PIK3C3: variants seen among roughly 807,000 people sequenced by gnomAD.
PIK3C3 encodes PI3-kinase type 3.
In PIK3C3, 95 loss-of-function variants were observed where a neutral mutation model predicts 126.1. The ratio of observed to expected loss-of-function variants is 0.75; its 90% CI spans 0.64 to 0.89. PIK3C3 has a LOEUF of 0.89. PIK3C3 is among the 40% of genes least tolerant of loss of function. The pLI, the probability that PIK3C3 is intolerant of heterozygous loss-of-function variation, is 0.00. For missense variants in PIK3C3, 829 were observed against 1,063.2 expected, an observed-to-expected ratio of 0.78 and a Z score of 3.06; for synonymous variants, 374 against 360.0, an observed-to-expected ratio of 1.04 and a Z score of -0.44.
intron 15 of PIK3C3, among the ~76,000 whole-genome samples, chr18:42,030,133 A>G (rs1301901610): frequency 2.0e-5 from 3 of 152,168 alleles, no homozygotes; most frequent in African/African-American, 7.2e-5. Context: ...TATACAATAT[A>G]TTTGATATGG....
At chr18:41,995,690 G>A (rs1226649599) in intron 7 of PIK3C3, among the ~76,000 whole-genome samples, 200 bp from the exon 8 acceptor site, 1 of 152,140 alleles carries the variant, frequency 6.6e-6, no homozygotes, top group Non-Finnish European at 1.5e-5. Context: ...TATGGGACTA[G>A]TGGAGTTTAA....
intron 24 of PIK3C3, among the ~76,000 whole-genome samples, chr18:42,077,133 T>C (rs1481800647): frequency 6.6e-6 from 1 of 152,252 alleles, no homozygotes; most frequent in Non-Finnish European, 1.5e-5. Context: ...ATTATGTCTT[T>C]AAAAACTATG....
chr18:41,987,269 AC>A (rs1981528712), intron 4 of PIK3C3, among the ~76,000 whole-genome samples: 1 of 152,092 alleles, frequency 6.6e-6, no homozygotes, highest in African/African-American at 2.4e-5. Context: ...GTAAGACCTC[AC>A]AGGACTCTAC....
chr18:41,967,788 A>G (rs1980446068), intron 3 of PIK3C3, among the ~76,000 whole-genome samples: 1 of 152,206 alleles, frequency 6.6e-6, no homozygotes, highest in Non-Finnish European at 1.5e-5. Context: ...TTTCTCTTGC[A>G]GTTGTTTTTT....
chr18:42,009,688 A>G (rs527907699), intron 10 of PIK3C3, among the ~76,000 whole-genome samples: 1 of 146,228 alleles, frequency 6.8e-6, no homozygotes, highest in African/African-American at 2.6e-5. Context: ...ACATTATGTA[A>G]TGTACATTAT....
rs537394094 is a variant in PIK3C3, at chr18:42,082,312, C to T, written c.*1175C>T. The T allele has an allele frequency of 3.3e-5, 5 of 152,232 alleles. No individual in the cohort carries two copies. Among genetic ancestry groups the T allele is most frequent in the East Asian group, 1.9e-4 (1 of 5,182 alleles). 9.4% of individuals were successfully genotyped at this position (152,232 alleles called of 1,614,324 possible). ...TTTCAGAGAATGCCGTTAATGATAA[C>T]GTGTTATTTGTCTCAAATTCTTAGC... On this transcript the variant is annotated 3_prime_UTR_variant, in exon 25 of 25. Coordinates refer to ENST00000262039, the MANE Select transcript of PIK3C3 (RefSeq NM_002647.4).
chr18:42,067,812 G>A (rs1349032888), intron 24 of PIK3C3, among the ~76,000 whole-genome samples: 2 of 152,182 alleles, frequency 1.3e-5, no homozygotes, highest in East Asian at 3.8e-4. Flanking sequence ...AGAGGCCTTA[G>A]CAATTGAAAC....
At chr18:41,990,711 T>TA in intron 6 of PIK3C3, 157 bp downstream of exon 6, 1 of 562,448 alleles carries the variant, frequency 1.8e-6, no homozygotes, top group East Asian at 2.9e-5. Flanking sequence ...TCAAATCATA[T>TA]AACTACAACA....
intron 22 of PIK3C3, among the ~76,000 whole-genome samples, chr18:42,063,836 G>A (rs1034323223): frequency 6.6e-6 from 1 of 152,034 alleles, no homozygotes; most frequent in Non-Finnish European, 1.5e-5. Context: ...AGTGCAAGGC[G>A]CTTGGTTGAC....
rs538136325 is a variant in PIK3C3, at chr18:42,043,926, A to G, written c.2188+109A>G. On this transcript the variant is annotated intron_variant, in intron 20 of 24. Transcript: ENST00000262039. ...GAACATGTTAATATTTAAATGCTCT[A>G]TAGGAAGAGTAAAAGATAAATGTTG... The G allele has an allele frequency of 3.9e-5, 26 of 671,080 alleles. No individual in the cohort carries two copies. The South Asian group carries it at 5.0e-4, about 13-fold the overall frequency. 41.6% of individuals were successfully genotyped at this position (671,080 alleles called of 1,614,324 possible). A position where few individuals can be genotyped will look rare whatever the true frequency, so the allele number is the denominator to read the frequency against.
At position 42,085,421 on chromosome 18, in the gene PIK3C3, A is replaced by G. The variant is rs1474014240; in HGVS notation, c.*4284A>G. The G allele has an allele frequency of 2.0e-5, 3 of 152,232 alleles. No homozygotes were observed. The highest frequency in any genetic ancestry group is 7.2e-5 in the African/African-American group (3 of 41,470). The allele number at this position is 152,232 out of a possible 1,614,324, so 9.4% of individuals were successfully genotyped here. On this transcript the variant is annotated 3_prime_UTR_variant, in exon 25 of 25. Coordinates refer to ENST00000262039, the MANE Select transcript of PIK3C3 (RefSeq NM_002647.4). ...ATTTAGGAAAAATTGCCATGAAATC[A>G]TGAGCTAAGTCAATGGTTATTTTAA...
intron 12 of PIK3C3, 53 bp from the exon 13 acceptor site, chr18:42,020,585 C>T: frequency 9.0e-7 from 1 of 1,109,540 alleles, no homozygotes; most frequent in Non-Finnish European, 1.3e-6. Context: ...TACTTATTTT[C>T]CCCCATTACT....
chr18:42,051,399 C>G (rs544168745), intron 21 of PIK3C3: 1 of 152,080 alleles, frequency 6.6e-6, no homozygotes, highest in Non-Finnish European at 1.5e-5. Flanking sequence ...ATTGGTCTCT[C>G]AAAACATTTT....
intron 24 of PIK3C3, among the ~76,000 whole-genome samples, chr18:42,080,881 T>G (rs930064418): frequency 2.6e-5 from 4 of 152,206 alleles, no homozygotes; most frequent in African/African-American, 9.6e-5. Flanking sequence ...TACATTCATC[T>G]TGAGCTTACA....
At chr18:42,024,343 T>G (rs755616561) in intron 13 of PIK3C3, among the ~76,000 whole-genome samples, 1 of 152,206 alleles carries the variant, frequency 6.6e-6, no homozygotes, top group Non-Finnish European at 1.5e-5. Context: ...CTTCTAGTCT[T>G]GATAGCTAAC....
At chr18:41,962,392 C>G (rs770310355) in intron 2 of PIK3C3, 97 bp from the exon 3 acceptor site, 1 of 1,002,066 alleles carries the variant, frequency 1.0e-6, no homozygotes, top group Non-Finnish European at 1.3e-6. Flanking sequence ...ATTTTTGGAA[C>G]CTTTTCCTCT....
intron 9 of PIK3C3, among the ~76,000 whole-genome samples, chr18:41,998,621 A>G (rs1982138577): frequency 6.6e-6 from 1 of 152,214 alleles, no homozygotes; most frequent in African/African-American, 2.4e-5. Flanking sequence ...GACAAGTTTC[A>G]TTTAACTAGT....
chr18:41,993,365 A>G, intron 7 of PIK3C3, 24 bp downstream of exon 7: 2 of 1,483,406 alleles, frequency 1.3e-6, no homozygotes, highest in Non-Finnish European at 1.9e-6. Context: ...CAATTTTTTT[A>G]TGAAAGTACT....
intron 24 of PIK3C3, among the ~76,000 whole-genome samples, chr18:42,076,133 T>TATATATATATATGCAC (rs1985995724): frequency 1.1e-5 from 1 of 91,856 alleles, no homozygotes; most frequent in African/African-American, 6.4e-5. Context: ...CGCATATATA[T>TATATATATATATGCAC]ATATATATAT....
Sources: allele counts gnomAD v4.1 joint callset (sites outside exome capture counted in the v4.1 genomes callset), GRCh38; gene constraint gnomAD v4.1.1; transcripts MANE v1.5; gene names NCBI Gene and HGNC (gene_info 2026-07-23, HGNC 2026-07-21).